The following GGNBP2 variants were observed in gnomAD, a reference collection of about 807,000 sequenced individuals.
GGNBP2 encodes gametogenetin-binding protein 2.
In GGNBP2, 10 loss-of-function variants were observed where a neutral mutation model predicts 85.9. The observed-to-expected ratio is 0.12, with a 90% CI of 0.07 to 0.20. The LOEUF (loss-of-function observed/expected upper bound fraction) is 0.20, where lower values mean the gene tolerates loss of function less well. Ranked by LOEUF, GGNBP2 falls within the 10% of genes least tolerant of loss-of-function variation. GGNBP2 has a pLI of 1.00. For missense variants in GGNBP2, 595 were observed against 857.8 expected, an observed-to-expected ratio of 0.69 and a Z score of 3.83; for synonymous variants, 287 against 285.7, an observed-to-expected ratio of 1.00 and a Z score of -0.05.
intron 6 of GGNBP2, among the ~76,000 whole-genome samples, chr17:36,569,936 T>C (rs1397652850): frequency 6.6e-6 from 1 of 152,244 alleles, no homozygotes; most frequent in African/African-American, 2.4e-5. Flanking sequence ...TTTACAGATA[T>C]CTTAACGGTT....
chr17:36,557,436 T>A, intron 4 of GGNBP2, 100 bp downstream of exon 4: 1 of 1,015,822 alleles, frequency 9.8e-7, no homozygotes, highest in Non-Finnish European at 1.5e-6. Flanking sequence ...GAGTCTGATT[T>A]AATAATTTTA....
chr17:36,548,764 T>TA (rs1314140598), intron 2 of GGNBP2, among the ~76,000 whole-genome samples: 1 of 149,982 alleles, frequency 6.7e-6, no homozygotes, highest in Non-Finnish European at 1.5e-5. Flanking sequence ...GGCAATGTGG[T>TA]AAAAACCTGT....
At chr17:36,572,926 A>T (rs760178466) in intron 6 of GGNBP2, among the ~76,000 whole-genome samples, 3 of 152,088 alleles carry the variant, frequency 2.0e-5, no homozygotes, top group Non-Finnish European at 4.4e-5. Context: ...GGGATAATGT[A>T]GCACTTGAAT....
chr17:36,584,428 T>TC (rs2074680717), intron 9 of GGNBP2, among the ~76,000 whole-genome samples: 1 of 152,008 alleles, frequency 6.6e-6, no homozygotes, highest in East Asian at 1.9e-4. Context: ...GGCTCTGCCG[T>TC]CCGTGTTCAA....
intron 2 of GGNBP2, 139 bp from the exon 3 acceptor site, chr17:36,554,681 C>G: frequency 1.5e-6 from 1 of 657,120 alleles, no homozygotes; most frequent in South Asian, 1.7e-5. Flanking sequence ...AGGCCATGTA[C>G]TTGGATTTAA....
intron 5 of GGNBP2, among the ~76,000 whole-genome samples, chr17:36,565,610 A>C (rs1460033395): frequency 6.6e-6 from 1 of 152,170 alleles, no homozygotes; most frequent in Non-Finnish European, 1.5e-5. Flanking sequence ...TATAGTTAAT[A>C]AAAGGGGCTG....
chr17:36,557,774 G>T (rs945489311), intron 4 of GGNBP2, among the ~76,000 whole-genome samples: 2 of 152,196 alleles, frequency 1.3e-5, no homozygotes, highest in Non-Finnish European at 2.9e-5. Context: ...AGCCCTTGTG[G>T]CTGGAGCCAG....
At chr17:36,574,869 C>T in intron 6 of GGNBP2, 1 of 718,734 alleles carries the variant, frequency 1.4e-6, no homozygotes, top group Non-Finnish European at 2.5e-6. Context: ...GAGAGCTTGG[C>T]CAGGATGATG....
intron 4 of GGNBP2, among the ~76,000 whole-genome samples, chr17:36,558,947 T>C (rs12150665): frequency 0.31 from 46,841 of 151,818 alleles, 8,461 homozygotes; most frequent in Non-Finnish European, 0.41. Context: ...GTGGGATTTT[T>C]TGGATAGATT....
intron 4 of GGNBP2, 73 bp from the exon 5 acceptor site, chr17:36,560,700 A>G (rs1457594250): frequency 3.5e-6 from 3 of 864,442 alleles, no homozygotes; most frequent in Non-Finnish European, 5.3e-6. Context: ...TCTCTCTAAA[A>G]GACAGTAAAT....
chr17:36,575,208 C>G, intron 6 of GGNBP2: 1 of 641,150 alleles, frequency 1.6e-6, no homozygotes, highest in East Asian at 3.0e-5. Context: ...CGGCCTCAGC[C>G]GCGGCCTCAG....
At chr17:36,568,540 A>G (rs1055923982) in intron 6 of GGNBP2, among the ~76,000 whole-genome samples, 1 of 152,134 alleles carries the variant, frequency 6.6e-6, no homozygotes, top group Non-Finnish European at 1.5e-5. Flanking sequence ...CAGGTAATCC[A>G]TCTGCCTCGA....
At chr17:36,546,345 T>A (rs1018478906) in intron 2 of GGNBP2, 1 of 178,280 alleles carries the variant, frequency 5.6e-6, no homozygotes, top group African/African-American at 2.3e-5. Flanking sequence ...GTAAATAGTC[T>A]CGTATTGCCT....
chr17:36,577,701 T>C (rs917150130), intron 6 of GGNBP2: 2 of 446,880 alleles, frequency 4.5e-6, no homozygotes, highest in Non-Finnish European at 8.2e-6. Context: ...ACTAATACTT[T>C]TCTGGGCATG....
At chr17:36,575,631 TATATATATATATATA>T (rs1266779796) in intron 6 of GGNBP2, among the ~76,000 whole-genome samples, 6 of 45,428 alleles carry the variant, frequency 1.3e-4, no homozygotes, top group East Asian at 7.4e-4. Flanking sequence ...TATATATATA[TATATATATATATATA>T]TATTTTTTTT....
chr17:36,558,031 G>C (rs1006522258), intron 4 of GGNBP2, among the ~76,000 whole-genome samples: 11 of 152,078 alleles, frequency 7.2e-5, no homozygotes, highest in African/African-American at 2.7e-4. Flanking sequence ...AGAATCACTT[G>C]AACCCAGGAG....
chr17:36,580,866 C>T (rs1681950238), intron 8 of GGNBP2, among the ~76,000 whole-genome samples: 1 of 151,494 alleles, frequency 6.6e-6, no homozygotes, highest in African/African-American at 2.4e-5. Context: ...TTGCAGTGAA[C>T]TGAGATGGTG....
At chr17:36,580,549 G>A (rs1041197680) in intron 8 of GGNBP2, among the ~76,000 whole-genome samples, 3 of 151,936 alleles carry the variant, frequency 2.0e-5, no homozygotes, top group African/African-American at 7.3e-5. Flanking sequence ...TACCTTCAGA[G>A]ACTAGATCAT....
chr17:36,568,493 C>T (rs1045821476), intron 6 of GGNBP2, among the ~76,000 whole-genome samples: 1 of 151,946 alleles, frequency 6.6e-6, no homozygotes, highest in African/African-American at 2.4e-5. Flanking sequence ...GACGGGGCTT[C>T]GCCATGTTGT....
Sources: allele counts gnomAD v4.1 joint callset (sites outside exome capture counted in the v4.1 genomes callset), GRCh38; gene constraint gnomAD v4.1.1; transcripts MANE v1.5; gene names NCBI Gene and HGNC (gene_info 2026-07-23, HGNC 2026-07-21).